The following KCTD16 variants were observed in gnomAD, a reference collection of about 807,000 sequenced individuals.
KCTD16 encodes BTB/POZ domain-containing protein KCTD16.
A neutral mutation model predicts 33.2 loss-of-function variants in KCTD16; 13 were observed. That is an observed-to-expected ratio of 0.39 (90% CI 0.25 to 0.62). KCTD16 has a LOEUF of 0.62. KCTD16 is among the 20% of genes least tolerant of loss of function. KCTD16 has a pLI of 0.50. For missense variants in KCTD16, 441 were observed against 525.1 expected, an observed-to-expected ratio of 0.84 and a Z score of 1.57; for synonymous variants, 197 against 195.3, an observed-to-expected ratio of 1.01 and a Z score of -0.07.
At chr5:144,262,462 A>G (rs1002620703) in intron 3 of KCTD16, among the ~76,000 whole-genome samples, 2 of 152,222 alleles carry the variant, frequency 1.3e-5, no homozygotes. Context: ...ATGTTTTAAA[A>G]CTAGCAAATG....
chr5:144,176,820 C>G (rs1375625338), intron 2 of KCTD16, among the ~76,000 whole-genome samples: 1 of 152,170 alleles, frequency 6.6e-6, no homozygotes, highest in African/African-American at 2.4e-5. Flanking sequence ...AGGCAGTATA[C>G]TTTTTCTATT....
At chr5:144,464,706 T>C (rs1427017523) in intron 3 of KCTD16, among the ~76,000 whole-genome samples, 1 of 133,134 alleles carries the variant, frequency 7.5e-6, no homozygotes, top group African/African-American at 2.7e-5. Flanking sequence ...TTCTTCCTCC[T>C]CCTCTTCTTC....
intron 3 of KCTD16, among the ~76,000 whole-genome samples, chr5:144,397,635 T>C (rs575226102): frequency 1.4e-4 from 21 of 152,316 alleles, no homozygotes; most frequent in Non-Finnish European, 2.5e-4. Context: ...CTGTGTGAGA[T>C]GGTATCTCAT....
At chr5:144,329,503 C>T (rs1752298231) in intron 3 of KCTD16, among the ~76,000 whole-genome samples, 1 of 152,152 alleles carries the variant, frequency 6.6e-6, no homozygotes, top group South Asian at 2.1e-4. Flanking sequence ...GGAGCCCTTG[C>T]AGCATCTAAA....
chr5:144,238,262 G>A (rs1754308121), intron 3 of KCTD16, among the ~76,000 whole-genome samples: 1 of 152,056 alleles, frequency 6.6e-6, no homozygotes, highest in Non-Finnish European at 1.5e-5. Flanking sequence ...GAACCTTATA[G>A]CTAAAAAAGA....
At chr5:144,453,071 A>G (rs945254335) in intron 3 of KCTD16, among the ~76,000 whole-genome samples, 4 of 152,126 alleles carry the variant, frequency 2.6e-5, no homozygotes, top group African/African-American at 4.8e-5. Flanking sequence ...CTTCCTGAGG[A>G]CAGAGCTGTT....
chr5:144,200,504 C>T (rs1753022767), intron 2 of KCTD16, among the ~76,000 whole-genome samples: 1 of 152,190 alleles, frequency 6.6e-6, no homozygotes, highest in Non-Finnish European at 1.5e-5. Flanking sequence ...CTGTTTCTTA[C>T]ATAGCAAATT....
intron 3 of KCTD16, among the ~76,000 whole-genome samples, chr5:144,253,483 C>T (rs1055181250): frequency 1.3e-5 from 2 of 152,194 alleles, no homozygotes; most frequent in Admixed American, 6.5e-5. Flanking sequence ...TCTGTTTTCT[C>T]ACCAAGCTGA....
chr5:144,194,943 G>A (rs1341203275), intron 2 of KCTD16, among the ~76,000 whole-genome samples: 2 of 152,192 alleles, frequency 1.3e-5, no homozygotes, highest in Non-Finnish European at 2.9e-5. Flanking sequence ...TTGCAGTAAT[G>A]AAAGGTGACC....
intron 3 of KCTD16, among the ~76,000 whole-genome samples, chr5:144,238,066 A>AC (rs1224795580): frequency 2.0e-5 from 3 of 152,050 alleles, no homozygotes; most frequent in Admixed American, 2.0e-4. Flanking sequence ...TGGAGAACAA[A>AC]CCCTCTGCCA....
intron 3 of KCTD16, among the ~76,000 whole-genome samples, chr5:144,437,447 T>C (rs1474311171): frequency 1.3e-5 from 2 of 152,182 alleles, no homozygotes; most frequent in Non-Finnish European, 2.9e-5. Context: ...TCTTCATAGA[T>C]AAATGAGGAT....
chr5:144,298,104 T>C (rs1756098130), intron 3 of KCTD16, among the ~76,000 whole-genome samples: 2 of 152,216 alleles, frequency 1.3e-5, no homozygotes, highest in Non-Finnish European at 2.9e-5. Context: ...GGGTTCATCC[T>C]AATCGAGCTG....
chr5:144,438,369 C>T (rs751906435), intron 3 of KCTD16, among the ~76,000 whole-genome samples: 2 of 152,202 alleles, frequency 1.3e-5, no homozygotes, highest in Non-Finnish European at 2.9e-5. Context: ...GTCTTCAGGC[C>T]TGCCTGTATC....
rs567013141 is a variant in KCTD16, at chr5:144,437,697, A to AT, written c.833-35956dup. Among the ~76,000 whole-genome samples, 61 of 152,212 alleles carry AT rather than the reference A, an allele frequency of 4.0e-4. No homozygotes were observed. In the South Asian group the frequency reaches 9.1e-3, roughly 23 times the overall value. ...TCAATATCCAGCCGTTGTTTTTCCTATTTTTTTATGAATTCCAGCTCTGAA... is the reference window on the plus strand; with the variant it reads ...TCAATATCCAGCCGTTGTTTTTCCTATTTTTTTTATGAATTCCAGCTCTGAA... On this transcript the variant is annotated intron_variant, in intron 3 of 3. Coordinates refer to ENST00000512467, the MANE Select transcript of KCTD16 (RefSeq NM_020768.4).
At chr5:144,444,091 T>C (rs1212580789) in intron 3 of KCTD16, among the ~76,000 whole-genome samples, 1 of 152,054 alleles carries the variant, frequency 6.6e-6, no homozygotes, top group East Asian at 1.9e-4. Context: ...AAGCAACATT[T>C]CAAAACAACA....
In KCTD16 at chr5:144,478,136, A is replaced by G. The variant is rs1561623810; in HGVS notation, c.*4022A>G. 6.6e-6 allele frequency: 1 copy of G among 151,920 alleles called. No homozygotes were observed. The highest frequency in any genetic ancestry group is 1.5e-5 in the Non-Finnish European group (1 of 67,956). 9.4% of individuals were successfully genotyped at this position (151,920 alleles called of 1,614,324 possible). A position where few individuals can be genotyped will look rare whatever the true frequency, so the allele number is the denominator to read the frequency against. On this transcript the variant is annotated 3_prime_UTR_variant, in exon 4 of 4. Transcript: ENST00000512467. ...TTTCAATTTATTTATTTTCTTTTAT[A>G]TTGTCAAAATAGCACACTAGAGAAA... is the stretch of plus-strand genomic sequence containing the variant.
intron 3 of KCTD16, chr5:144,384,272 C>T (rs762989820): frequency 6.6e-6 from 1 of 152,134 alleles, no homozygotes; most frequent in South Asian, 2.1e-4. Flanking sequence ...AGTCCAGGCA[C>T]TTCTTTGGCA....
intron 3 of KCTD16, among the ~76,000 whole-genome samples, chr5:144,438,634 A>G (rs535668693): frequency 7.2e-5 from 11 of 152,200 alleles, no homozygotes. Context: ...TATCTTTTGA[A>G]AACATAGGCT....
chr5:144,246,846 T>C (rs1754563794), intron 3 of KCTD16, among the ~76,000 whole-genome samples: 2 of 152,206 alleles, frequency 1.3e-5, no homozygotes, highest in African/African-American at 2.4e-5. Flanking sequence ...CATCATGTTC[T>C]TTCTTGCCTC....
Sources: gnomAD v4.1 joint callset for allele counts (sites outside exome capture counted in the v4.1 genomes callset) on GRCh38, gnomAD v4.1.1 for gene constraint, MANE v1.5 for transcripts, NCBI Gene and HGNC (gene_info 2026-07-23, HGNC 2026-07-21) for gene names.